TSHZ2: variants seen among roughly 807,000 people sequenced by gnomAD.
TSHZ2 encodes teashirt homolog 2.
A neutral mutation model predicts 74.4 loss-of-function variants in TSHZ2; 21 were observed. The observed-to-expected ratio is 0.28, with a 90% CI of 0.20 to 0.41. TSHZ2 has a LOEUF of 0.41. TSHZ2 is among the 10% of genes least tolerant of loss of function. TSHZ2 has a pLI of 1.00. For missense variants in TSHZ2, 1,244 were observed against 1,293.5 expected, an observed-to-expected ratio of 0.96 and a Z score of 0.59; for synonymous variants, 540 against 515.3, an observed-to-expected ratio of 1.05 and a Z score of -0.65.
chr20:53,330,450 C>G (rs1422651739), intron 2 of TSHZ2, among the ~76,000 whole-genome samples: 1 of 152,154 alleles, frequency 6.6e-6, no homozygotes, highest in African/African-American at 2.4e-5. Context: ...CTTCAATTGA[C>G]AGACTGAAGA....
chr20:53,306,408 G>A (rs757654989), intron 2 of TSHZ2, among the ~76,000 whole-genome samples: 5 of 152,194 alleles, frequency 3.3e-5, no homozygotes, highest in Middle Eastern at 3.2e-3. Flanking sequence ...AAGCACAGCA[G>A]AGAGAGGTGA....
At chr20:53,152,780 G>A (rs1035336491) in intron 1 of TSHZ2, among the ~76,000 whole-genome samples, 4 of 152,188 alleles carry the variant, frequency 2.6e-5, no homozygotes, top group Admixed American at 6.5e-5. Context: ...GGAATGACAG[G>A]TGAAATGATA....
chr20:53,319,264 A>C (rs540917108), intron 2 of TSHZ2, among the ~76,000 whole-genome samples: 1 of 152,366 alleles, frequency 6.6e-6, no homozygotes, highest in Non-Finnish European at 1.5e-5. Context: ...CTCTTGTAGA[A>C]TTTATGTTCC....
Position 52,973,477 on chromosome 20 carries a change from T to A in TSHZ2, c.40+144T>A. 9 of 1,058,400 alleles carry A rather than the reference T, an allele frequency of 8.5e-6. No individual in the cohort carries two copies. In the South Asian group the frequency reaches 1.5e-4, roughly 18 times the overall value. 65.6% of individuals were successfully genotyped at this position (1,058,400 alleles called of 1,614,324 possible). The stretch of plus-strand genomic sequence containing the variant: ...GTGCCCTTCTAATAACCCCGTCCTC[T>A]CTCGCCTTCTCTGGTCTCCCAAATC... On this transcript the variant is annotated intron_variant, in intron 1 of 2. Transcript: ENST00000371497.
Position 53,069,412 on chromosome 20 carries a change from C to T in TSHZ2, c.40+96079C>T, listed in dbSNP as rs574170554. ...GAATTCCATCTGTCCCGTATGCAGC[C>T]CCTTTAATTAATGATTTATCCTATT... On this transcript the variant is annotated intron_variant, in intron 1 of 2. Coordinates refer to ENST00000371497, the MANE Select transcript of TSHZ2 (RefSeq NM_173485.6). Among the ~76,000 whole-genome samples the T allele has an allele frequency of 3.3e-5, 5 of 152,030 alleles. No homozygotes were observed. The East Asian group carries it at 9.7e-4, about 29-fold the overall frequency.
At chr20:53,066,752 C>T (rs1010798446) in intron 1 of TSHZ2, among the ~76,000 whole-genome samples, 7 of 152,276 alleles carry the variant, frequency 4.6e-5, no homozygotes, top group Middle Eastern at 3.4e-3. Flanking sequence ...GTGATCTGCC[C>T]GCCTCGGCCT....
chr20:53,421,567 A>G, intron 2 of TSHZ2: 1 of 210,268 alleles, frequency 4.8e-6, no homozygotes, highest in Non-Finnish European at 1.0e-5. Context: ...GCAAGAGGGC[A>G]TGAATCAATA....
chr20:53,337,901 C>T (rs1475712402), intron 2 of TSHZ2, among the ~76,000 whole-genome samples: 1 of 152,182 alleles, frequency 6.6e-6, no homozygotes, highest in Non-Finnish European at 1.5e-5. Flanking sequence ...ATGTGAGTTG[C>T]TTAGTCATGA....
chr20:53,245,408 C>A (rs1990177982), intron 1 of TSHZ2, among the ~76,000 whole-genome samples: 1 of 152,126 alleles, frequency 6.6e-6, no homozygotes, highest in South Asian at 2.1e-4. Flanking sequence ...TGGGAGCAAC[C>A]ATCTAAGCCA....
intron 2 of TSHZ2, among the ~76,000 whole-genome samples, chr20:53,344,138 T>C (rs1041448014): frequency 5.3e-5 from 8 of 152,184 alleles, no homozygotes; most frequent in Non-Finnish European, 4.4e-5. Flanking sequence ...AATAGGACTC[T>C]AGGCTGCCTC....
intron 2 of TSHZ2, among the ~76,000 whole-genome samples, chr20:53,445,835 G>C (rs942510813): frequency 2.0e-5 from 3 of 152,196 alleles, no homozygotes; most frequent in African/African-American, 7.2e-5. Flanking sequence ...GTTAGCTTTG[G>C]ACCTTGTATT....
intron 1 of TSHZ2, among the ~76,000 whole-genome samples, chr20:52,996,292 A>G (rs1982184765): frequency 6.6e-6 from 1 of 151,094 alleles, no homozygotes; most frequent in Non-Finnish European, 1.5e-5. Flanking sequence ...GTTCTTCTCA[A>G]CTTTCCTTTC....
At chr20:52,992,141 C>T (rs1184934456) in intron 1 of TSHZ2, among the ~76,000 whole-genome samples, 1 of 152,164 alleles carries the variant, frequency 6.6e-6, no homozygotes, top group Non-Finnish European at 1.5e-5. Flanking sequence ...TATTTCCTGG[C>T]CTCTCTTCCT....
intron 1 of TSHZ2, among the ~76,000 whole-genome samples, chr20:53,075,070 A>T (rs1985324307): frequency 6.6e-6 from 1 of 152,228 alleles, no homozygotes; most frequent in African/African-American, 2.4e-5. Context: ...TCCAAAGCAT[A>T]GTTGAGGATT....
At chr20:53,010,679 C>CA (rs144628952) in intron 1 of TSHZ2, among the ~76,000 whole-genome samples, 1,613 of 152,210 alleles carry the variant, frequency 0.011, 28 homozygotes, top group African/African-American at 0.037. Flanking sequence ...GCAGTGATTA[C>CA]AAAAAACACA....
chr20:53,267,616 G>A (rs2123752264), intron 2 of TSHZ2, among the ~76,000 whole-genome samples: 1 of 152,314 alleles, frequency 6.6e-6, no homozygotes, highest in African/African-American at 2.4e-5. Context: ...GACTCTTGTA[G>A]TCATGTCATC....
chr20:53,130,551 G>A (rs554516789), intron 1 of TSHZ2, among the ~76,000 whole-genome samples: 68 of 152,308 alleles, frequency 4.5e-4, no homozygotes, highest in Middle Eastern at 3.4e-3. Flanking sequence ...GCTAGAGCCC[G>A]GAGGGTGGAG....
chr20:53,137,122 T>C (rs1987265149), intron 1 of TSHZ2, among the ~76,000 whole-genome samples: 1 of 152,108 alleles, frequency 6.6e-6, no homozygotes, highest in Non-Finnish European at 1.5e-5. Context: ...CCTACTTCAA[T>C]TTCCCACTGT....
At chr20:53,021,424 G>C (rs1330391704) in intron 1 of TSHZ2, among the ~76,000 whole-genome samples, 2 of 152,158 alleles carry the variant, frequency 1.3e-5, no homozygotes, top group African/African-American at 4.8e-5. Context: ...AGAACCACTG[G>C]TTTAAATGGA....
Sources: gnomAD v4.1 joint callset for allele counts (sites outside exome capture counted in the v4.1 genomes callset) on GRCh38, gnomAD v4.1.1 for gene constraint, MANE v1.5 for transcripts, NCBI Gene and HGNC (gene_info 2026-07-23, HGNC 2026-07-21) for gene names.